MAPK8: variants seen among roughly 807,000 people sequenced by gnomAD.
MAPK8 encodes the protein mitogen-activated protein kinase 8, also known as JUN N-terminal kinase.
In MAPK8, 13 loss-of-function variants were observed where a neutral mutation model predicts 52.9. The observed-to-expected ratio is 0.25, with a 90% CI of 0.16 to 0.39. The LOEUF is 0.39. Among genes scored for constraint, MAPK8 ranks in the 10% least tolerant of loss-of-function variants. The pLI is 1.00. For missense variants in MAPK8, 300 were observed against 519.2 expected, an observed-to-expected ratio of 0.58 and a Z score of 4.10; for synonymous variants, 191 against 169.8, an observed-to-expected ratio of 1.12 and a Z score of -0.97.
intron 1 of MAPK8, among the ~76,000 whole-genome samples, chr10:48,383,413 G>A (rs2463960): frequency 0.54 from 82,122 of 152,008 alleles, 22,392 homozygotes; most frequent in Middle Eastern, 0.73. Context: ...GTACCCTAAA[G>A]GGTCAAGAGT....
chr10:48,418,251 T>A lies in MAPK8; in HGVS notation c.451-1904T>A, dbSNP rs2043168099. Among the ~76,000 whole-genome samples the A allele has an allele frequency of 2.6e-5, 4 of 152,226 alleles. No individual in the cohort carries two copies. The South Asian group carries it at 8.3e-4, about 32-fold the overall frequency. ...TTCCAGCCTTCGATGTGAGTTTCCCTGCTGCTCAACTGCTAAGCCAGGATC... is the reference window on the plus strand; with the variant it reads ...TTCCAGCCTTCGATGTGAGTTTCCCAGCTGCTCAACTGCTAAGCCAGGATC... On this transcript the variant is annotated intron_variant, in intron 5 of 11. Coordinates refer to ENST00000374189, the MANE Select transcript of MAPK8 (RefSeq NM_001323329.2).
chr10:48,417,689 A>G (rs922187181), intron 5 of MAPK8, among the ~76,000 whole-genome samples: 11 of 152,226 alleles, frequency 7.2e-5, no homozygotes, highest in African/African-American at 2.7e-4. Context: ...GGACAAAATA[A>G]GACAAGTGAC....
chr10:48,390,974 T>C (rs1303842122), intron 1 of MAPK8, among the ~76,000 whole-genome samples: 1 of 152,174 alleles, frequency 6.6e-6, no homozygotes, highest in Non-Finnish European at 1.5e-5. Context: ...GTAGTTTAGA[T>C]GAGAATTTAG....
intron 1 of MAPK8, among the ~76,000 whole-genome samples, chr10:48,379,041 T>G (rs1432001139): frequency 2.0e-5 from 3 of 152,230 alleles, no homozygotes. Context: ...TAGTGATTGG[T>G]CATATAGACT....
At chr10:48,398,301 A>G (rs1380958427) in intron 1 of MAPK8, among the ~76,000 whole-genome samples, 1 of 152,234 alleles carries the variant, frequency 6.6e-6, no homozygotes, top group African/African-American at 2.4e-5. Flanking sequence ...TAGGGAAAAG[A>G]ACTGAATAGC....
chr10:48,404,219 C>T (rs2042332397), intron 2 of MAPK8, among the ~76,000 whole-genome samples: 1 of 145,564 alleles, frequency 6.9e-6, no homozygotes, highest in East Asian at 2.1e-4. Flanking sequence ...TGCGGTGGTG[C>T]GATCTTGGCT....
intron 5 of MAPK8, among the ~76,000 whole-genome samples, chr10:48,419,443 T>G (rs945261010): frequency 1.3e-5 from 2 of 152,224 alleles, no homozygotes; most frequent in African/African-American, 4.8e-5. Flanking sequence ...GCCTGACTTT[T>G]GATGGGCACA....
intron 1 of MAPK8, among the ~76,000 whole-genome samples, chr10:48,359,873 CAGAA>C (rs1162013692): frequency 6.6e-6 from 1 of 152,172 alleles, no homozygotes; most frequent in Non-Finnish European, 1.5e-5. Context: ...AATCAAGACA[CAGAA>C]AGCATGAAAA....
intron 7 of MAPK8, chr10:48,424,373 C>T: frequency 1.6e-6 from 1 of 645,068 alleles, no homozygotes. Context: ...GTAGTCAGAG[C>T]ACATTCACTG....
intron 1 of MAPK8, among the ~76,000 whole-genome samples, chr10:48,377,359 T>TG (rs775421395): frequency 3.4e-5 from 2 of 58,636 alleles, no homozygotes; most frequent in Non-Finnish European, 7.0e-5. Context: ...AAAGTATAAT[T>TG]TAAAAAAAAA....
At chr10:48,383,031 A>T (rs2041107206) in intron 1 of MAPK8, among the ~76,000 whole-genome samples, 1 of 151,368 alleles carries the variant, frequency 6.6e-6, no homozygotes, top group Non-Finnish European at 1.5e-5. Flanking sequence ...AAGAAAAAAA[A>T]ATATTTTCAA....
intron 1 of MAPK8, among the ~76,000 whole-genome samples, chr10:48,322,499 C>T (rs542986891): frequency 1.3e-5 from 2 of 152,248 alleles, no homozygotes; most frequent in South Asian, 2.1e-4. Context: ...TCATCTTAAT[C>T]CAGTCAGAGA....
At chr10:48,338,598 A>G (rs1216602177) in intron 1 of MAPK8, among the ~76,000 whole-genome samples, 1 of 152,156 alleles carries the variant, frequency 6.6e-6, no homozygotes, top group Non-Finnish European at 1.5e-5. Flanking sequence ...GACAAAAGAA[A>G]TAAAAGATGT....
At chr10:48,428,614 C>T (rs543133933) in intron 10 of MAPK8, among the ~76,000 whole-genome samples, 5 of 152,126 alleles carry the variant, frequency 3.3e-5, no homozygotes, top group South Asian at 2.1e-4. Flanking sequence ...TAGCAGAGCC[C>T]GTGATAAAGT....
intron 1 of MAPK8, among the ~76,000 whole-genome samples, chr10:48,389,566 C>A (rs758573406): frequency 6.6e-6 from 1 of 152,198 alleles, no homozygotes; most frequent in Non-Finnish European, 1.5e-5. Context: ...TTCTCTTTCT[C>A]TTTCTCTCCT....
chr10:48,342,809 A>G (rs1845434151), intron 1 of MAPK8, among the ~76,000 whole-genome samples: 1 of 152,206 alleles, frequency 6.6e-6, no homozygotes, highest in African/African-American at 2.4e-5. Flanking sequence ...GAATGTCCAG[A>G]TGGAAATGTC....
intron 1 of MAPK8, among the ~76,000 whole-genome samples, chr10:48,319,468 A>G (rs1449620501): frequency 1.3e-5 from 2 of 151,730 alleles, no homozygotes; most frequent in Non-Finnish European, 2.9e-5. Context: ...TTTCTTCTCT[A>G]TAGTTTTGTT....
chr10:48,403,083 A>G (rs1229245197), intron 2 of MAPK8, among the ~76,000 whole-genome samples: 1 of 152,242 alleles, frequency 6.6e-6, no homozygotes, highest in African/African-American at 2.4e-5. Flanking sequence ...ATGCATAAAT[A>G]CCAAACTTAG....
At chr10:48,307,467 C>A (rs556066250) in intron 1 of MAPK8, among the ~76,000 whole-genome samples, 1 of 152,104 alleles carries the variant, frequency 6.6e-6, no homozygotes, top group East Asian at 1.9e-4. Context: ...CGGTGGTCAG[C>A]GCGCATTTCT....
Sources: allele counts gnomAD v4.1 joint callset (sites outside exome capture counted in the v4.1 genomes callset), GRCh38; gene constraint gnomAD v4.1.1; transcripts MANE v1.5; gene names NCBI Gene and HGNC (gene_info 2026-07-23, HGNC 2026-07-21).